Variants in PLCL2 observed in about 807,000 individuals in gnomAD.
PLCL2 encodes phospholipase C like 2.
PLCL2 carries 4 observed loss-of-function variants against 79.6 expected under a neutral mutation model. The ratio of observed to expected loss-of-function variants is 0.05; its 90% confidence interval spans 0.02 to 0.11. The LOEUF is 0.11. PLCL2 is among the 10% of genes least tolerant of loss of function. The probability of loss-of-function intolerance (pLI) is 1.00; values close to 1 mark genes in which losing one functional copy is unlikely to be tolerated. For missense variants in PLCL2, 895 were observed against 1,291.0 expected, an observed-to-expected ratio of 0.69 and a Z score of 4.70; for synonymous variants, 484 against 457.7, an observed-to-expected ratio of 1.06 and a Z score of -0.73.
chr3:16,968,877 C>T (rs959561904), intron 1 of PLCL2, among the ~76,000 whole-genome samples: 7 of 151,882 alleles, frequency 4.6e-5, no homozygotes, highest in South Asian at 2.1e-4. Flanking sequence ...TGATGTTGGC[C>T]GTGGGTTTGT....
chr3:17,079,597 G>T (rs750468887), intron 5 of PLCL2, among the ~76,000 whole-genome samples: 1 of 152,256 alleles, frequency 6.6e-6, no homozygotes, highest in East Asian at 1.9e-4. Context: ...GCCTGCCGCC[G>T]TCCTTTCCTG....
intron 5 of PLCL2, among the ~76,000 whole-genome samples, chr3:17,072,674 A>G (rs975457438): frequency 6.6e-6 from 1 of 151,826 alleles, no homozygotes; most frequent in African/African-American, 2.4e-5. Flanking sequence ...CTCAAAGAAA[A>G]AAAAAAAAAA....
chr3:16,952,360 CAAAAAAAAAAAAAAAAA>C (rs35421244), intron 1 of PLCL2, among the ~76,000 whole-genome samples: 1 of 22,616 alleles, frequency 4.4e-5, no homozygotes, highest in Admixed American at 8.6e-4. Flanking sequence ...GAACTTAAAG[CAAAAAAAAAAAAAAAAA>C]AAAAAAAAAA....
intron 1 of PLCL2, among the ~76,000 whole-genome samples, chr3:16,936,534 A>G (rs572224700): frequency 1.3e-5 from 2 of 152,288 alleles, no homozygotes; most frequent in Non-Finnish European, 2.9e-5. Context: ...AAAAAGAAAG[A>G]AAGAAAAAGC....
At chr3:16,957,692 G>T (rs2063719211) in intron 1 of PLCL2, among the ~76,000 whole-genome samples, 1 of 152,144 alleles carries the variant, frequency 6.6e-6, no homozygotes, top group South Asian at 2.1e-4. Flanking sequence ...CTGAGGACTT[G>T]CTTTATGAAT....
At chr3:16,915,319 G>A (rs1293863920) in intron 1 of PLCL2, among the ~76,000 whole-genome samples, 1 of 152,068 alleles carries the variant, frequency 6.6e-6, no homozygotes, top group Admixed American at 6.6e-5. Context: ...TTACCTTGCA[G>A]TCTTTTTTAT....
At chr3:16,995,909 C>G (rs2064148627) in intron 1 of PLCL2, among the ~76,000 whole-genome samples, 1 of 152,102 alleles carries the variant, frequency 6.6e-6, no homozygotes, top group African/African-American at 2.4e-5. Flanking sequence ...ACTTTAAGCA[C>G]AAAAGGATTT....
At chr3:16,982,032 C>T (rs947733801) in intron 1 of PLCL2, among the ~76,000 whole-genome samples, 3 of 152,056 alleles carry the variant, frequency 2.0e-5, no homozygotes, top group South Asian at 4.1e-4. Flanking sequence ...TCTAAAAATA[C>T]GTTTTCTGGT....
intron 1 of PLCL2, among the ~76,000 whole-genome samples, chr3:16,902,911 A>G (rs1696662393): frequency 6.6e-6 from 1 of 150,770 alleles, no homozygotes; most frequent in African/African-American, 2.4e-5. Flanking sequence ...GGAAGGAATC[A>G]TACAAGTATG....
Position 17,068,044 on chromosome 3 carries a change from C to G in PLCL2, c.3183C>G (p.Thr1061=). The change falls in exon 5 of 6, where the codon ACC becomes ACG. Residue 1061 remains threonine, a synonymous_variant. Transcript: ENST00000615277. ...TACAAAAAGCAGTGGAGAGCTTTAC[C>G]TGGAATATTACCATCTTAAAGGTAT... ...RKLQKAVESF[T]WNITILKGQA... is the part of the protein sequence containing the mutation. 1 of 1,598,790 alleles carries G rather than the reference C, an allele frequency of 6.3e-7. No homozygotes were observed. Among genetic ancestry groups the G allele is most frequent in the South Asian group, 1.1e-5 (1 of 90,710 alleles).
chr3:17,014,874 C>T lies in PLCL2; in HGVS notation c.2981C>T (p.Pro994Leu), dbSNP rs1372120688. ...YPTMELQGIVPEVLKKIVTTY... is the reference protein window; with the variant it reads ...YPTMELQGIVLEVLKKIVTTY... ...ACAATGGAGCTGCAGGGAATTGTGC[C>T]GGAGGTTCTGAAGAAGATCGTAACA... Residue 994 changes from proline to leucine, a missense_variant, in exon 3 of 6, where the codon CCG becomes CTG. Pro to Leu is a moderately conservative substitution (Grantham distance 98). Coordinates refer to ENST00000615277, the MANE Select transcript of PLCL2 (RefSeq NM_001144382.2). 1.2e-6 allele frequency: 2 copies of T among 1,613,970 alleles called. No individual in the cohort carries two copies. Among genetic ancestry groups the T allele is most frequent in the Non-Finnish European group, 8.5e-7 (1 of 1,179,984 alleles).
intron 3 of PLCL2, among the ~76,000 whole-genome samples, chr3:17,021,835 G>T (rs1007530723): frequency 6.6e-6 from 1 of 152,170 alleles, no homozygotes; most frequent in African/African-American, 2.4e-5. Flanking sequence ...AATGATAAAT[G>T]CTATTAAGCA....
intron 1 of PLCL2, among the ~76,000 whole-genome samples, chr3:16,950,484 T>G (rs2063640251): frequency 6.6e-6 from 1 of 152,152 alleles, no homozygotes; most frequent in Admixed American, 6.5e-5. Context: ...TGTTGATCTC[T>G]TAGCCTGTTG....
intron 1 of PLCL2, among the ~76,000 whole-genome samples, chr3:16,927,235 A>G (rs981711870): frequency 1.3e-5 from 2 of 152,212 alleles, no homozygotes; most frequent in East Asian, 3.8e-4. Flanking sequence ...AATATGGTGT[A>G]AACTGTCACA....
chr3:16,956,253 TG>T (rs1449523136), intron 1 of PLCL2, among the ~76,000 whole-genome samples: 2 of 152,270 alleles, frequency 1.3e-5, no homozygotes, highest in Non-Finnish European at 2.9e-5. Flanking sequence ...TGTTGAATTT[TG>T]TCAAAGGCCT....
intron 1 of PLCL2, among the ~76,000 whole-genome samples, chr3:17,001,185 A>G (rs779931647): frequency 1.6e-4 from 25 of 151,822 alleles, no homozygotes; most frequent in Non-Finnish European, 2.9e-4. Flanking sequence ...TTTTTCATAT[A>G]CTTGTTGGCC....
chr3:16,951,564 T>G (rs1167095399), intron 1 of PLCL2, among the ~76,000 whole-genome samples: 1 of 152,118 alleles, frequency 6.6e-6, no homozygotes, highest in African/African-American at 2.4e-5. Context: ...GTTTATTTTC[T>G]TTCTCTTGTT....
chr3:16,981,090 C>T (rs988843510), intron 1 of PLCL2, among the ~76,000 whole-genome samples: 2 of 152,144 alleles, frequency 1.3e-5, no homozygotes, highest in African/African-American at 2.4e-5. Flanking sequence ...GCAGCAGTAC[C>T]GTCCAGCTTC....
chr3:16,962,527 ATAAT>A (rs1386937596), intron 1 of PLCL2, among the ~76,000 whole-genome samples: 6 of 152,124 alleles, frequency 3.9e-5, no homozygotes, highest in Non-Finnish European at 5.9e-5. Flanking sequence ...CTAACTATAA[ATAAT>A]TAGTGAAGAG....
Sources: allele counts gnomAD v4.1 joint callset (sites outside exome capture counted in the v4.1 genomes callset), GRCh38; gene constraint gnomAD v4.1.1; transcripts MANE v1.5; gene names NCBI Gene and HGNC (gene_info 2026-07-23, HGNC 2026-07-21).